Variants in TSHZ3 observed in about 807,000 individuals in gnomAD.
The protein encoded by TSHZ3 is teashirt homolog 3.
Under a neutral mutation model 64.5 loss-of-function variants are expected in TSHZ3, and 10 were observed. The ratio of observed to expected loss-of-function variants is 0.16; its 90% CI spans 0.10 to 0.26. The LOEUF (loss-of-function observed/expected upper bound fraction) is 0.26. Ranked by LOEUF, TSHZ3 falls within the 10% of genes least tolerant of loss-of-function variation. The probability of loss-of-function intolerance (pLI) is 1.00; values close to 1 mark genes in which losing one functional copy is unlikely to be tolerated. For missense variants in TSHZ3, 1,242 were observed against 1,421.7 expected (o/e 0.87, Z 2.03); for synonymous variants, 608 against 593.1 (o/e 1.03, Z -0.36).
intron 4 of TSHZ3, among the ~76,000 whole-genome samples, chr19:31,205,357 T>G (rs777868076): frequency 1.1e-4 from 16 of 152,202 alleles, no homozygotes; most frequent in Non-Finnish European, 2.2e-4. Flanking sequence ...TTCCTGCCCC[T>G]TTTTTATTCC....
chr19:31,256,794 C>T (rs533211729), intron 1 of TSHZ3, among the ~76,000 whole-genome samples: 1 of 152,296 alleles, frequency 6.6e-6, no homozygotes, highest in East Asian at 1.9e-4. Context: ...GGCTGCAGCT[C>T]TCACTGAGGT....
intron 1 of TSHZ3, among the ~76,000 whole-genome samples, chr19:31,299,607 C>A (rs1038288668): frequency 1.3e-5 from 2 of 152,118 alleles, no homozygotes; most frequent in African/African-American, 4.8e-5. Context: ...GGGGAGAAGT[C>A]GGGCCCTGGG....
intron 1 of TSHZ3, among the ~76,000 whole-genome samples, chr19:31,297,995 G>A (rs1976692544): frequency 1.3e-5 from 2 of 152,182 alleles, no homozygotes; most frequent in Admixed American, 6.5e-5. Flanking sequence ...TCCTGAGAAA[G>A]GGTCAGTGGG....
intron 4 of TSHZ3, among the ~76,000 whole-genome samples, chr19:31,220,643 C>A (rs1272695574): frequency 2.0e-5 from 3 of 152,094 alleles, no homozygotes; most frequent in South Asian, 4.1e-4. Context: ...AGAGCCTTGG[C>A]GCCCTTTCTA....
At chr19:31,304,119 C>T (rs987797707) in intron 1 of TSHZ3, among the ~76,000 whole-genome samples, 4 of 152,038 alleles carry the variant, frequency 2.6e-5, no homozygotes, top group African/African-American at 7.2e-5. Flanking sequence ...GGATTACAGG[C>T]GCGCACCACC....
At chr19:31,238,030 G>C (rs76339383) in intron 3 of TSHZ3, among the ~76,000 whole-genome samples, 2,806 of 152,238 alleles carry the variant, frequency 0.018, 92 homozygotes, top group African/African-American at 0.065. Flanking sequence ...CTATTTTGGT[G>C]ACCATTCCAT....
intron 1 of TSHZ3, among the ~76,000 whole-genome samples, chr19:31,251,036 C>T (rs1599604988): frequency 1.3e-5 from 2 of 152,096 alleles, no homozygotes; most frequent in African/African-American, 4.8e-5. Flanking sequence ...GCTTTGCCAC[C>T]AAACACAGTA....
In TSHZ3 at chr19:31,276,755, T is replaced by G. The variant is rs1171669003; in HGVS notation, c.3038A>C (p.Gln1013Pro). The G allele has an allele frequency of 1.2e-6, 2 of 1,613,560 alleles. No individual in the cohort carries two copies. Among genetic ancestry groups the G allele is most frequent in the Non-Finnish European group, 1.7e-6 (2 of 1,179,468 alleles). ...GGTTTGTGCTATCTGACTGTTAATCTGTTCGGTGGACAGTTTGGATAAGTC... is the reference window on the plus strand; with the variant it reads ...GGTTTGTGCTATCTGACTGTTAATCGGTTCGGTGGACAGTTTGGATAAGTC... Reference protein sequence around the residue: ...LRDLSKLSTEQINSQIAQTKS... With the variant: ...LRDLSKLSTEPINSQIAQTKS... Residue 1013 changes from glutamine to proline, a missense_variant, in exon 2 of 2, where the codon CAG becomes CCG. By Grantham distance (76) the Gln-to-Pro change is moderately conservative. Around this residue, in one of 4 missense-constraint regions of TSHZ3, gnomAD observed 126 missense variants for 140.6 expected, o/e 0.90. Coordinates refer to ENST00000240587, the MANE Select transcript of TSHZ3 (RefSeq NM_020856.4).
At chr19:31,274,074 A>C (rs1325829660), downstream of TSHZ3, among the ~76,000 whole-genome samples, 1 of 152,202 alleles carries the variant, frequency 6.6e-6, no homozygotes, top group Non-Finnish European at 1.5e-5. Context: ...GGATGAGCGG[A>C]AAAACCGTAG....
At chr19:31,318,584 T>C (rs1312002203) in intron 1 of TSHZ3, among the ~76,000 whole-genome samples, 1 of 152,214 alleles carries the variant, frequency 6.6e-6, no homozygotes, top group African/African-American at 2.4e-5. Flanking sequence ...TAGTCACTTC[T>C]GGAACAAAAT....
chr19:31,229,435 T>C (rs182196160), intron 3 of TSHZ3, among the ~76,000 whole-genome samples: 107 of 152,272 alleles, frequency 7.0e-4, no homozygotes, highest in Admixed American at 1.4e-3. Context: ...CGGGGACAAC[T>C]GCGAAACACT....
At position 31,277,480 on chromosome 19, in the gene TSHZ3, G is replaced by A. The variant is rs748235041; in HGVS notation, c.2313C>T (p.Ser771=). ...AAVATPPPLQ[S]KKADHLDRYF... is the part of the protein sequence containing the mutation. Reference sequence around the variant, plus strand: ...AGCGGTCGAGGTGGTCTGCCTTCTTGGACTGCAGGGGCGGCGGGGTGGCCA... The same window carrying A: ...AGCGGTCGAGGTGGTCTGCCTTCTTAGACTGCAGGGGCGGCGGGGTGGCCA... Residue 771 remains serine, a synonymous_variant, in exon 2 of 2, where the codon TCC becomes TCT. Coordinates refer to ENST00000240587, the MANE Select transcript of TSHZ3 (RefSeq NM_020856.4). This position sits in a 1 kb window ranked among gnomAD's most constrained non-coding sequence, Gnocchi z 4.5. 6 of 1,612,016 alleles carry A rather than the reference G, an allele frequency of 3.7e-6. No individual in the cohort carries two copies. The highest frequency in any genetic ancestry group is 5.1e-6 in the Non-Finnish European group (6 of 1,178,590).
At chr19:31,237,504 A>G (rs765794872) in intron 3 of TSHZ3, among the ~76,000 whole-genome samples, 2 of 151,952 alleles carry the variant, frequency 1.3e-5, no homozygotes, top group Non-Finnish European at 2.9e-5. Flanking sequence ...TTTTTCATTA[A>G]TTTGTCTTCC....
At chr19:31,330,705 T>TGGG (rs142243125) in intron 1 of TSHZ3, among the ~76,000 whole-genome samples, 11 of 92,784 alleles carry the variant, frequency 1.2e-4, no homozygotes, top group African/African-American at 3.2e-4. Context: ...GTTTAATCCT[T>TGGG]GGGCGGGGGG....
intron 1 of TSHZ3, among the ~76,000 whole-genome samples, chr19:31,333,928 C>A (rs7258461): frequency 6.6e-6 from 1 of 152,050 alleles, no homozygotes; most frequent in South Asian, 2.1e-4. Context: ...GTTAAATACT[C>A]CACTTCTTTC....
intron 5 of TSHZ3, among the ~76,000 whole-genome samples, chr19:31,158,283 A>G (rs1599552144): frequency 6.6e-6 from 1 of 152,218 alleles, no homozygotes; most frequent in East Asian, 1.9e-4. Context: ...AAAAAAATAT[A>G]TGTATCTCAT....
At chr19:31,289,227 C>T (rs1286385316) in intron 1 of TSHZ3, among the ~76,000 whole-genome samples, 1 of 152,190 alleles carries the variant, frequency 6.6e-6, no homozygotes, top group Non-Finnish European at 1.5e-5. Context: ...AGGCTCACCC[C>T]TCCTCTTGTA....
chr19:31,219,527 A>G (rs1396120788), intron 4 of TSHZ3, among the ~76,000 whole-genome samples: 1 of 152,144 alleles, frequency 6.6e-6, no homozygotes, highest in African/African-American at 2.4e-5. Context: ...ATGGTGATGG[A>G]AATGTTCTAT....
At chr19:31,334,647 TG>T (rs1568384843) in intron 1 of TSHZ3, among the ~76,000 whole-genome samples, 1 of 152,162 alleles carries the variant, frequency 6.6e-6, no homozygotes, top group African/African-American at 2.4e-5. Context: ...CCTTGTCTCA[TG>T]GAACTCCAGG....
Sources: allele counts gnomAD v4.1 joint callset (sites outside exome capture counted in the v4.1 genomes callset), GRCh38; gene constraint gnomAD v4.1.1; regional missense constraint gnomAD v4.1.1; non-coding constraint Gnocchi (gnomAD v3.1); transcripts MANE v1.5; gene names NCBI Gene and HGNC (gene_info 2026-07-23, HGNC 2026-07-21).